ARL13A: variants seen among roughly 807,000 people sequenced by gnomAD.
ARL13A encodes the protein ARF like GTPase 13A.
A neutral mutation model predicts 19.1 loss-of-function variants in ARL13A; 16 were observed. The ratio of observed to expected loss-of-function variants is 0.84; its 90% CI spans 0.57 to 1.27. The LOEUF is 1.27. Among genes scored for constraint, ARL13A ranks in the 50% most tolerant of loss-of-function variants. The pLI is 0.00. For missense variants in ARL13A, 153 were observed against 186.4 expected (o/e 0.82, Z 1.04); for synonymous variants, 69 against 71.3 (o/e 0.97, Z 0.17).
rs780117058 is a variant in ARL13A, at chrX:100,990,701, A to G, written c.*113A>G. 5.5e-5 allele frequency: 45 copies of G among 812,829 alleles called. No individual in the cohort carries two copies. The highest frequency in any genetic ancestry group is 6.8e-5 in the Non-Finnish European group (38 of 560,158). 67.0% of individuals were successfully genotyped at this position (812,829 alleles called of 1,213,427 possible). A position where few individuals can be genotyped will look rare whatever the true frequency, so the allele number is the denominator to read the frequency against. On this transcript the variant is annotated 3_prime_UTR_variant, in exon 8 of 8. Transcript: ENST00000450049. ...ATGCTGCTGACAAAGCTTGTGGACAATAAGTCATGGGTGATCAACCAAAAC... is the reference window on the plus strand; with the variant it reads ...ATGCTGCTGACAAAGCTTGTGGACAGTAAGTCATGGGTGATCAACCAAAAC...
chrX:100,970,467 A>G (rs188686198), intron 1 of ARL13A, among the ~76,000 whole-genome samples: 1 of 112,426 alleles, frequency 8.9e-6, no homozygotes, highest in East Asian at 2.8e-4. Context: ...TAGCTAAGCA[A>G]AGCCCATCGA....
At chrX:100,990,238 AATACCCTCCTACC>A in intron 7 of ARL13A, 2 of 611,469 alleles carry the variant, frequency 3.3e-6, no homozygotes, top group Non-Finnish European at 4.0e-6. Context: ...GAAACTGGCC[AATACCCTCCTACC>A]ATGAAATGGT....
rs758380865 is a variant in ARL13A, at chrX:100,974,111, T to A, written c.60-16T>A. ...TGTTTTAAGACTTTGGGCTCATTTT[T>A]CTTTTTCATTTCTAGGAATGTGACC... On this transcript the variant is annotated splice_polypyrimidine_tract_variant and intron_variant, in intron 2 of 7. Transcript: ENST00000450049. 1 of 1,170,024 alleles carries A rather than the reference T, an allele frequency of 8.5e-7. No individual in the cohort carries two copies. Among genetic ancestry groups the A allele is most frequent in the Non-Finnish European group, 1.2e-6 (1 of 869,530 alleles).
rs1237236421 is a variant in ARL13A at position 100,972,303 on chromosome X, G to A, written c.-14-1373G>A. Among the ~76,000 whole-genome samples the A allele has an allele frequency of 6.3e-5, 6 of 94,814 alleles. No individual in the cohort carries two copies. The East Asian group carries it at 2.2e-3, about 35-fold the overall frequency. 82.3% of individuals were successfully genotyped at this position (94,814 alleles called of 115,157 possible). ...GGGGCTCCTCACTTCCCAGTAGGGG[G>A]GGCCGGGCAGAGGCGCCCCTCACCT... is the stretch of plus-strand genomic sequence containing the variant. On this transcript the variant is annotated intron_variant, in intron 1 of 7. Transcript: ENST00000450049.
In ARL13A at chrX:100,973,472, G is replaced by A. The variant is rs775769646; in HGVS notation, c.-14-204G>A. ...AAAGACTGAGACAGCTCCGCTGCCC[G>A]CTGAACTCCATCCTCCCGGCGGTCG... is the stretch of plus-strand genomic sequence containing the variant. On this transcript the variant is annotated intron_variant, in intron 1 of 7. Coordinates refer to ENST00000450049, the MANE Select transcript of ARL13A (RefSeq NM_001162491.2). 3.2e-3 allele frequency among the ~76,000 whole-genome samples: 345 copies of A among 108,901 alleles called. 2 individuals are homozygous for A. Among genetic ancestry groups the A allele is most frequent in the African/African-American group, 0.011 (336 of 29,906 alleles). 94.6% of individuals were successfully genotyped at this position (108,901 alleles called of 115,157 possible). A position where few individuals can be genotyped will look rare whatever the true frequency, so the allele number is the denominator to read the frequency against.
chrX:100,970,772 A>G (rs1012234834), intron 1 of ARL13A, among the ~76,000 whole-genome samples: 2 of 111,534 alleles, frequency 1.8e-5, no homozygotes, highest in African/African-American at 6.5e-5. Flanking sequence ...AGGGTCAACC[A>G]TAATTAGTCA....
intron 3 of ARL13A, among the ~76,000 whole-genome samples, chrX:100,979,210 G>A (rs768382184): frequency 9.0e-5 from 10 of 111,623 alleles, no homozygotes; most frequent in East Asian, 2.8e-4. Context: ...ATGAGTTGCT[G>A]TTACCAGGGG....
intron 4 of ARL13A, among the ~76,000 whole-genome samples, 164 bp downstream of exon 4, chrX:100,986,080 G>T (rs2085932108): frequency 9.0e-6 from 1 of 111,274 alleles, no homozygotes; most frequent in African/African-American, 3.3e-5. Context: ...GTTCTCAAGA[G>T]CTACTTTCTA....
At position 100,990,585 on chromosome X, in the gene ARL13A, C is replaced by T. The variant is rs2086003892; in HGVS notation, c.768C>T (p.His256=). The change falls in exon 8 of 8, where the codon CAC becomes CAT. Residue 256 remains histidine (H), a synonymous_variant. Coordinates refer to ENST00000450049, the MANE Select transcript of ARL13A (RefSeq NM_001162491.2). ...AGCCATCAAATCAATCCTATACTCA[C>T]TGAGAGGCTCAAGAAGAGTGAGATG... ...ILQPSNQSYT[H] 2 of 1,159,356 alleles carry T rather than the reference C, an allele frequency of 1.7e-6. No individual in the cohort carries two copies. The highest frequency in any genetic ancestry group is 2.6e-5 in the Admixed American group (1 of 37,981).
In ARL13A at chrX:100,986,917, T is replaced by G; in HGVS notation, c.486+16T>G. 2.8e-6 allele frequency: 3 copies of G among 1,082,408 alleles called. No homozygotes were observed. Among genetic ancestry groups the G allele is most frequent in the Non-Finnish European group, 3.8e-6 (3 of 789,152 alleles). The allele number at this position is 1,082,408 out of a possible 1,213,427, so 89.2% of individuals were successfully genotyped here. A position where few individuals can be genotyped will look rare whatever the true frequency, so the allele number is the denominator to read the frequency against. On this transcript the variant is annotated intron_variant, in intron 5 of 7. Transcript: ENST00000450049. Reference sequence around the variant, plus strand: ...ATGCCGAGTAGTAAGTGTCAACCTCTTCCTTCCCTCTTCCTCTGGAGCCCA... The same window carrying G: ...ATGCCGAGTAGTAAGTGTCAACCTCGTCCTTCCCTCTTCCTCTGGAGCCCA...
chrX:100,978,113 G>T (rs2085796975), intron 3 of ARL13A, among the ~76,000 whole-genome samples: 1 of 112,504 alleles, frequency 8.9e-6, no homozygotes, highest in Admixed American at 9.4e-5. Flanking sequence ...CTCAACAACA[G>T]TGTATGAGGG....
chrX:100,970,093 C>T (rs2085637335), intron 1 of ARL13A, among the ~76,000 whole-genome samples: 1 of 112,560 alleles, frequency 8.9e-6, no homozygotes, highest in Non-Finnish European at 1.9e-5. Flanking sequence ...AGGAAACAGA[C>T]ATGAAGCGGT....
intron 1 of ARL13A, among the ~76,000 whole-genome samples, chrX:100,970,594 C>T (rs1210728747): frequency 4.5e-5 from 5 of 111,890 alleles, no homozygotes; most frequent in African/African-American, 1.6e-4. Flanking sequence ...CCCTCATATA[C>T]CAAAATCTGT....
chrX:100,990,595 CAAG>C lies in ARL13A; in HGVS notation c.*12_*14del, dbSNP rs1387353494. ...TCAATCCTATACTCACTGAGAGGCT[CAAG>C]AAGAGTGAGATGGCATCCATTGAGA... On this transcript the variant is annotated 3_prime_UTR_variant, in exon 8 of 8. Transcript: ENST00000450049. 7 of 1,155,081 alleles carry C rather than the reference CAAG, an allele frequency of 6.1e-6. No homozygotes were observed. In the South Asian group the frequency reaches 1.2e-4, roughly 19 times the overall value.
At chrX:100,970,609 T>C (rs2085640607) in intron 1 of ARL13A, among the ~76,000 whole-genome samples, 4 of 111,562 alleles carry the variant, frequency 3.6e-5, no homozygotes, top group Non-Finnish European at 7.5e-5. Flanking sequence ...ATCTGTGCAT[T>C]CTCAAATCCT....
intron 3 of ARL13A, among the ~76,000 whole-genome samples, chrX:100,980,610 C>T (rs1227145460): frequency 1.8e-5 from 2 of 110,859 alleles, no homozygotes; most frequent in African/African-American, 6.5e-5. Flanking sequence ...ACTGAAGTTG[C>T]AAGACAAAGT....
chrX:100,982,507 A>AAATG (rs1204689194), intron 3 of ARL13A, among the ~76,000 whole-genome samples: 21 of 92,380 alleles, frequency 2.3e-4, no homozygotes, highest in African/African-American at 8.0e-4. Flanking sequence ...ATAAATAAAT[A>AAATG]AAATGCTCTA....
intron 3 of ARL13A, among the ~76,000 whole-genome samples, chrX:100,978,624 G>GTT (rs779059213): frequency 1.9e-5 from 2 of 102,735 alleles, no homozygotes; most frequent in East Asian, 3.0e-4. Flanking sequence ...CAGATCATGT[G>GTT]TTTTTTTTTT....
intron 3 of ARL13A, among the ~76,000 whole-genome samples, chrX:100,983,914 G>A (rs2085897946): frequency 9.0e-6 from 1 of 110,691 alleles, no homozygotes; most frequent in South Asian, 3.8e-4. Flanking sequence ...CAATGCTATG[G>A]AAAATGTCAC....
Sources: allele counts gnomAD v4.1 joint callset (sites outside exome capture counted in the v4.1 genomes callset), GRCh38; gene constraint gnomAD v4.1.1; transcripts MANE v1.5; gene names NCBI Gene and HGNC (gene_info 2026-07-23, HGNC 2026-07-21).